DOCK3: variants seen among roughly 807,000 people sequenced by gnomAD.
The protein encoded by DOCK3 is dedicator of cytokinesis 3.
In DOCK3, 60 loss-of-function variants were observed where a neutral mutation model predicts 265.6. The observed-to-expected ratio is 0.23, with a 90% confidence interval of 0.18 to 0.28. DOCK3 has a LOEUF of 0.28. Among genes scored for constraint, DOCK3 ranks in the 10% least tolerant of loss-of-function variants. The probability of loss-of-function intolerance (pLI) is 1.00; values close to 1 mark genes in which losing one functional copy is unlikely to be tolerated. For missense variants in DOCK3, 1,981 were observed against 2,594.3 expected (o/e 0.76, Z 5.14); for synonymous variants, 881 against 938.0 (o/e 0.94, Z 1.11).
chr3:51,307,131 G>A (rs932532055), intron 27 of DOCK3, among the ~76,000 whole-genome samples: 1 of 151,866 alleles, frequency 6.6e-6, no homozygotes, highest in South Asian at 2.1e-4. Flanking sequence ...GCTTTTTGGG[G>A]TTTTTTTAGA....
chr3:51,215,424 C>T (rs1038096866), intron 14 of DOCK3, among the ~76,000 whole-genome samples: 1 of 152,188 alleles, frequency 6.6e-6, no homozygotes, highest in African/African-American at 2.4e-5. Context: ...AGCCACTGCG[C>T]CTGGCCTCAG....
chr3:50,863,149 G>T (rs1169536713), intron 3 of DOCK3, among the ~76,000 whole-genome samples: 2 of 152,176 alleles, frequency 1.3e-5, no homozygotes, highest in Admixed American at 1.3e-4. Context: ...GCATCCTGCA[G>T]CTTCCCAGGG....
Position 50,850,959 on chromosome 3 carries a change from G to A in DOCK3, c.162+9244G>A, listed in dbSNP as rs1174433228. ...ATTCATGAAATACACAGTGGTCTGA[G>A]CTCCCTGCTCAGTCCCAGGGAAGTG... On this transcript the variant is annotated intron_variant, in intron 3 of 52. Transcript: ENST00000266037. 2.0e-5 allele frequency among the ~76,000 whole-genome samples: 3 copies of A among 152,078 alleles called. No individual in the cohort carries two copies. In the East Asian group the frequency reaches 5.8e-4, roughly 29 times the overall value.
In DOCK3 at chr3:50,681,073, T is replaced by C. The variant is rs1373838069; in HGVS notation, c.37+5773T>C. 2.6e-5 allele frequency among the ~76,000 whole-genome samples: 4 copies of C among 152,160 alleles called. No homozygotes were observed. The East Asian group carries it at 7.7e-4, about 29-fold the overall frequency. On this transcript the variant is annotated intron_variant, in intron 1 of 52. Coordinates refer to ENST00000266037, the MANE Select transcript of DOCK3 (RefSeq NM_004947.5). ...CCTGAAGCATTTTCCCTATGTTTTCTTTTAGTAGGTTTATAGTTTTGGGTC... is the reference window on the plus strand; with the variant it reads ...CCTGAAGCATTTTCCCTATGTTTTCCTTTAGTAGGTTTATAGTTTTGGGTC...
intron 4 of DOCK3, among the ~76,000 whole-genome samples, chr3:50,890,426 T>A (rs568839737): frequency 1.3e-5 from 2 of 152,184 alleles, no homozygotes; most frequent in Admixed American, 6.6e-5. Flanking sequence ...AAGAGACTTT[T>A]AAAATTTTTT....
intron 2 of DOCK3, among the ~76,000 whole-genome samples, chr3:50,821,140 C>CTTTTTTTTTTTTTTTTTTTTTT (rs771111717): frequency 8.4e-6 from 1 of 119,472 alleles, no homozygotes; most frequent in African/African-American, 3.2e-5. Context: ...TTTCTTTTTT[C>CTTTTTTTTTTTTTTTTTTTTTT]TTTTTTTTTT....
chr3:50,840,813 T>C (rs907465189), intron 2 of DOCK3, among the ~76,000 whole-genome samples: 1 of 152,238 alleles, frequency 6.6e-6, no homozygotes, highest in African/African-American at 2.4e-5. Flanking sequence ...TTTCAGCTAT[T>C]GTTCTAAGTA....
At chr3:50,720,791 T>G (rs1366784560) in intron 1 of DOCK3, among the ~76,000 whole-genome samples, 1 of 152,242 alleles carries the variant, frequency 6.6e-6, no homozygotes, top group Non-Finnish European at 1.5e-5. Context: ...TCTTCCACAA[T>G]GGCTGAACCA....
intron 1 of DOCK3, among the ~76,000 whole-genome samples, chr3:50,736,735 C>T (rs1173954162): frequency 1.4e-4 from 20 of 139,518 alleles, no homozygotes; most frequent in South Asian, 4.6e-4. Flanking sequence ...CTCATTCTGT[C>T]GCCCAGGCTG....
intron 5 of DOCK3, among the ~76,000 whole-genome samples, chr3:50,984,160 C>T (rs2077807808): frequency 6.6e-6 from 1 of 152,242 alleles, no homozygotes; most frequent in Non-Finnish European, 1.5e-5. Flanking sequence ...CAAGCGCAGC[C>T]TGCCAGGCTG....
intron 5 of DOCK3, among the ~76,000 whole-genome samples, chr3:51,040,435 T>TA (rs964360448): frequency 2.4e-4 from 36 of 152,258 alleles, no homozygotes; most frequent in African/African-American, 8.2e-4. Context: ...ACTTTATTGC[T>TA]AAAAAAATGC....
Position 51,201,278 on chromosome 3 carries a change from C to G in DOCK3, c.1038-7496C>G, listed in dbSNP as rs527312309. Reference sequence around the variant, plus strand: ...CATCAGTGTGCTGTATTCAGGAAACCCATCTCACGTGCAGAGACACACATA... The same window carrying G: ...CATCAGTGTGCTGTATTCAGGAAACGCATCTCACGTGCAGAGACACACATA... On this transcript the variant is annotated intron_variant, in intron 12 of 52. Coordinates refer to ENST00000266037, the MANE Select transcript of DOCK3 (RefSeq NM_004947.5). 6.5e-3 allele frequency among the ~76,000 whole-genome samples: 973 copies of G among 150,276 alleles called. 28 individuals carry two copies. The highest frequency in any genetic ancestry group is 0.056 in the East Asian group (287 of 5,152).
chr3:51,271,637 G>T (rs1389119688), intron 24 of DOCK3, among the ~76,000 whole-genome samples: 1 of 152,142 alleles, frequency 6.6e-6, no homozygotes, highest in Non-Finnish European at 1.5e-5. Flanking sequence ...ATCACTTGAG[G>T]TCAGGAGTTC....
chr3:50,975,774 G>T (rs2077422492), intron 5 of DOCK3, among the ~76,000 whole-genome samples: 1 of 152,074 alleles, frequency 6.6e-6, no homozygotes, highest in Middle Eastern at 3.4e-3. Flanking sequence ...TCTGGTCCTG[G>T]ACTCTTTTTG....
chr3:51,096,798 A>G (rs1437525049), intron 9 of DOCK3, among the ~76,000 whole-genome samples: 1 of 152,032 alleles, frequency 6.6e-6, no homozygotes. Flanking sequence ...TTGATCTTTG[A>G]TGTTGGTGAC....
chr3:51,332,877 C>G, intron 33 of DOCK3, 124 bp from the exon 34 acceptor site: 1 of 1,280,572 alleles, frequency 7.8e-7, no homozygotes, highest in Non-Finnish European at 1.1e-6. Context: ...TGGAGCCGAA[C>G]CCCTCCCTCC....
chr3:50,762,554 C>A (rs1458784627), intron 1 of DOCK3, among the ~76,000 whole-genome samples: 1 of 152,060 alleles, frequency 6.6e-6, no homozygotes, highest in Non-Finnish European at 1.5e-5. Context: ...GGGCTGTATA[C>A]TTTTAACCAA....
At chr3:51,048,181 A>T (rs1242049797) in intron 5 of DOCK3, among the ~76,000 whole-genome samples, 1 of 35,390 alleles carries the variant, frequency 2.8e-5, no homozygotes, top group Non-Finnish European at 4.9e-5. Context: ...GCATCCTTTC[A>T]TGATAAAAAA....
chr3:50,935,842 G>A (rs984195049), intron 5 of DOCK3, among the ~76,000 whole-genome samples: 2 of 152,208 alleles, frequency 1.3e-5, no homozygotes, highest in South Asian at 2.1e-4. Flanking sequence ...GCAGTTTTAA[G>A]CAGGTTGACT....
Sources: allele counts gnomAD v4.1 joint callset (sites outside exome capture counted in the v4.1 genomes callset), GRCh38; gene constraint gnomAD v4.1.1; transcripts MANE v1.5; gene names NCBI Gene and HGNC (gene_info 2026-07-23, HGNC 2026-07-21).